HTR3C: variants seen among roughly 807,000 people sequenced by gnomAD.
HTR3C encodes the protein 5-hydroxytryptamine receptor 3C.
A neutral mutation model predicts 40.5 loss-of-function variants in HTR3C; 32 were observed. The ratio of observed to expected loss-of-function variants is 0.79; its 90% CI spans 0.60 to 1.06. HTR3C has a LOEUF of 1.06. Ranked by LOEUF, HTR3C falls within the 50% of genes least tolerant of loss-of-function variation. The pLI is 0.00. For missense variants in HTR3C, 523 were observed against 556.8 expected (o/e 0.94, Z 0.61); for synonymous variants, 209 against 217.1 (o/e 0.96, Z 0.33).
In HTR3C at chr3:184,059,545, A is replaced by ATCC; in HGVS notation, c.832_833insCTC (p.Asn277_Arg278insPro). The ATCC allele has an allele frequency of 6.2e-7, 1 of 1,614,122 alleles. No individual in the cohort carries two copies. Among genetic ancestry groups the ATCC allele is most frequent in the Non-Finnish European group, 8.5e-7 (1 of 1,180,018 alleles). ...TTCTACCTGCCAGCAGAGAGCGAGA[A>ATCC]TCGTGCCCCATTCAAGATAACACTT... On this transcript the variant is annotated inframe_insertion, in exon 7 of 9. Transcript: ENST00000318351.
At chr3:184,054,918 G>C (rs376521137) in intron 2 of HTR3C, 31 bp downstream of exon 2, 3 of 1,571,724 alleles carry the variant, frequency 1.9e-6, no homozygotes, top group Non-Finnish European at 2.6e-6. Flanking sequence ...CTTTTCCATG[G>C]CTTCTAATAA....
At chr3:184,059,393 T>C in intron 6 of HTR3C, 43 bp from the exon 7 acceptor site, 1 of 1,570,268 alleles carries the variant, frequency 6.4e-7, no homozygotes, top group Non-Finnish European at 8.8e-7. Context: ...AATTGAGCCC[T>C]CTGACATCTA....
At chr3:184,055,783 A>C (rs755810947) in intron 3 of HTR3C, among the ~76,000 whole-genome samples, 1 of 143,604 alleles carries the variant, frequency 7.0e-6, no homozygotes, top group South Asian at 2.2e-4. Flanking sequence ...CCAAAGTATA[A>C]CTTTTTCTGG....
At chr3:184,058,802 T>A (rs7631265) in intron 6 of HTR3C, among the ~76,000 whole-genome samples, 109,126 of 151,704 alleles carry the variant, frequency 0.72, 40,527 homozygotes, top group African/African-American at 0.91. Context: ...GTCTCTAATT[T>A]AAAAAACACA....
rs762594317 is a variant in HTR3C, at chr3:184,059,576, G to T, written c.861G>T (p.Leu287=). The T allele has an allele frequency of 6.2e-7, 1 of 1,613,874 alleles. No homozygotes were observed. The highest frequency in any genetic ancestry group is 8.5e-7 in the Non-Finnish European group (1 of 1,179,994). The part of the protein sequence containing the change: ...NRAPFKITLL[L]GYNVFLLMMN... Reference sequence around the variant, plus strand: ...CCCCATTCAAGATAACACTTCTGCTGGGCTACAACGTCTTCCTGCTCATGA... The same window carrying T: ...CCCCATTCAAGATAACACTTCTGCTTGGCTACAACGTCTTCCTGCTCATGA... Residue 287 remains leucine (L), a synonymous_variant, in exon 7 of 9, where the codon CTG becomes CTT. Transcript: ENST00000318351.
At chr3:184,057,753 A>G (rs1723357513) in intron 5 of HTR3C, among the ~76,000 whole-genome samples, 1 of 151,988 alleles carries the variant, frequency 6.6e-6, no homozygotes, top group Admixed American at 6.6e-5. Context: ...ACAAAACAAA[A>G]CAAAACAAAA....
intron 2 of HTR3C, 64 bp downstream of exon 2, chr3:184,054,951 T>A (rs1303640243): frequency 2.0e-6 from 3 of 1,499,642 alleles, no homozygotes; most frequent in African/African-American, 2.8e-5. Flanking sequence ...CTCTGCCCTG[T>A]CAACCCAACA....
In HTR3C at chr3:184,059,584, A is replaced by G. The variant is rs766035401; in HGVS notation, c.869A>G (p.Asn290Ser). The change falls in exon 7 of 9, where the codon AAC (asparagine) becomes AGC (serine). Residue 290 changes from asparagine (N) to serine (S), a missense_variant. Physicochemically the swap from Asn to Ser is conservative, Grantham distance 46. Coordinates refer to ENST00000318351, the MANE Select transcript of HTR3C (RefSeq NM_130770.3). The stretch of plus-strand genomic sequence containing the variant: ...AAGATAACACTTCTGCTGGGCTACA[A>G]CGTCTTCCTGCTCATGATGAATGAC... ...PFKITLLLGY[N>S]VFLLMMNDLL... 1.4e-5 allele frequency: 23 copies of G among 1,613,678 alleles called. No individual in the cohort carries two copies. Among genetic ancestry groups the G allele is most frequent in the East Asian group, 4.5e-5 (2 of 44,876 alleles).
In HTR3C at chr3:184,058,569, T is replaced by G. The variant is rs769694474; in HGVS notation, c.702T>G (p.Tyr234Ter). ...AGATGTCCATGGGCAACAACCTATA[T>G]GACCAGATCATGTTTTATGTGAGTC... is the stretch of plus-strand genomic sequence containing the variant. ...TPKMSMGNNL[Y>*]DQIMFYVAIR... is the part of the protein sequence containing the mutation. The change falls in exon 6 of 9, where the codon TAT becomes TAG. Residue 234 changes from tyrosine (Y) to a stop codon, truncating the protein, a stop_gained. Coordinates refer to ENST00000318351, the MANE Select transcript of HTR3C (RefSeq NM_130770.3). LOFTEE classifies it high-confidence loss of function. 1 of 1,612,470 alleles carries G rather than the reference T, an allele frequency of 6.2e-7. No individual in the cohort carries two copies. Among genetic ancestry groups the G allele is most frequent in the Non-Finnish European group, 8.5e-7 (1 of 1,179,390 alleles).
intron 1 of HTR3C, among the ~76,000 whole-genome samples, chr3:184,053,772 T>G (rs546409384): frequency 6.6e-6 from 1 of 152,244 alleles, no homozygotes; most frequent in South Asian, 2.1e-4. Context: ...GTTTGTTTTT[T>G]GACATGAAGT....
chr3:184,059,671 AG>A, intron 7 of HTR3C, 31 bp downstream of exon 7: 1 of 1,612,432 alleles, frequency 6.2e-7, no homozygotes, highest in Non-Finnish European at 8.5e-7. Flanking sequence ...AGGAGGAGAA[AG>A]GGCACCCGGG....
intron 5 of HTR3C, among the ~76,000 whole-genome samples, chr3:184,057,307 A>G (rs1423969740): frequency 1.3e-5 from 2 of 152,132 alleles, no homozygotes; most frequent in Non-Finnish European, 2.9e-5. Context: ...TCTACAAAAT[A>G]TAAAAAGAAT....
At chr3:184,058,658 T>G (rs927694543) in intron 6 of HTR3C, 71 bp downstream of exon 6, 46 of 1,535,350 alleles carry the variant, frequency 3.0e-5, no homozygotes, top group Non-Finnish European at 3.9e-5. Flanking sequence ...CCTATGGCTC[T>G]TTGGGAAGCA....
At position 184,059,417 on chromosome 3, in the gene HTR3C, T is replaced by C; in HGVS notation, c.721-19T>C. The stretch of plus-strand genomic sequence containing the variant: ...CTCTGACATCTATTTATTTGCCATC[T>C]TCTCCGGTCTCTCTCCAGGTGGCCA... On this transcript the variant is annotated intron_variant, in intron 6 of 8. Coordinates refer to ENST00000318351, the MANE Select transcript of HTR3C (RefSeq NM_130770.3). 6.2e-7 allele frequency: 1 copy of C among 1,611,184 alleles called. No individual in the cohort carries two copies. Among genetic ancestry groups the C allele is most frequent in the Non-Finnish European group, 8.5e-7 (1 of 1,177,502 alleles).
At chr3:184,059,782 T>C in intron 7 of HTR3C, 46 bp from the exon 8 acceptor site, 3 of 1,605,950 alleles carry the variant, frequency 1.9e-6, no homozygotes, top group Non-Finnish European at 2.6e-6. Context: ...GAGGAATGCT[T>C]AGAGATAAAT....
chr3:184,060,556 C>T lies in HTR3C; in HGVS notation c.*204C>T. Reference sequence around the variant, plus strand: ...CCGACCGCTGCTCAGGCTGCTCATTCCTGCTCACCCTCAGTCTCCCTGAGC... The same window carrying T: ...CCGACCGCTGCTCAGGCTGCTCATTTCTGCTCACCCTCAGTCTCCCTGAGC... On this transcript the variant is annotated 3_prime_UTR_variant, in exon 9 of 9. Transcript: ENST00000318351. The T allele has an allele frequency of 3.2e-6, 2 of 631,934 alleles. No homozygotes were observed. Among genetic ancestry groups the T allele is most frequent in the Non-Finnish European group, 5.5e-6 (2 of 363,582 alleles). The allele number at this position is 631,934 out of a possible 1,614,324, so 39.1% of individuals were successfully genotyped here.
chr3:184,056,226 T>A lies in HTR3C; in HGVS notation c.329T>A (p.Ile110Asn). ...INWNPKECVGINKLTVLAENL... is the reference protein window; with the variant it reads ...INWNPKECVGNNKLTVLAENL... ...TGGAACCCAAAAGAGTGTGTTGGCATCAATAAACTCACAGTATTAGCTGAA... is the reference window on the plus strand; with the variant it reads ...TGGAACCCAAAAGAGTGTGTTGGCAACAATAAACTCACAGTATTAGCTGAA... The change falls in exon 4 of 9, where the codon ATC becomes AAC. Residue 110 changes from isoleucine to asparagine, a missense_variant. Ile to Asn is a moderately radical substitution (Grantham distance 149, BLOSUM62 -3). Coordinates refer to ENST00000318351, the MANE Select transcript of HTR3C (RefSeq NM_130770.3). The A allele has an allele frequency of 6.2e-7, 1 of 1,613,962 alleles. No individual in the cohort carries two copies. Among genetic ancestry groups the A allele is most frequent in the East Asian group, 2.2e-5 (1 of 44,874 alleles).
At chr3:184,059,210 A>C (rs1194922150) in intron 6 of HTR3C, among the ~76,000 whole-genome samples, 1 of 152,148 alleles carries the variant, frequency 6.6e-6, no homozygotes, top group African/African-American at 2.4e-5. Context: ...GCCCACTTGC[A>C]CCTAAAATTC....
At chr3:184,053,174 C>G in intron 1 of HTR3C, 27 bp downstream of exon 1, 1 of 1,588,650 alleles carries the variant, frequency 6.3e-7, no homozygotes, top group Non-Finnish European at 8.6e-7. Context: ...ACAGGGAAGA[C>G]CAGAGTGTGG....
Sources: gnomAD v4.1 joint callset for allele counts (sites outside exome capture counted in the v4.1 genomes callset) on GRCh38, gnomAD v4.1.1 for gene constraint, MANE v1.5 for transcripts, NCBI Gene and HGNC (gene_info 2026-07-23, HGNC 2026-07-21) for gene names.